Variants in SPSB4 observed in about 807,000 individuals in gnomAD.
SPSB4 encodes splA/ryanodine receptor domain and SOCS box containing 4.
A neutral mutation model predicts 20.9 loss-of-function variants in SPSB4; 21 were observed. The observed-to-expected ratio is 1.01, with a 90% CI of 0.71 to 1.45. The LOEUF is 1.45. Ranked by LOEUF, SPSB4 falls within the 40% of genes most tolerant of loss-of-function variation. SPSB4 has a pLI of 0.00. For missense variants in SPSB4, 399 were observed against 399.2 expected, an observed-to-expected ratio of 1.00 and a Z score of 0.00; for synonymous variants, 207 against 183.8, an observed-to-expected ratio of 1.13 and a Z score of -1.02.
intron 2 of SPSB4, among the ~76,000 whole-genome samples, chr3:141,146,026 A>T (rs532384443): frequency 6.6e-6 from 1 of 152,090 alleles, no homozygotes; most frequent in African/African-American, 2.4e-5. Flanking sequence ...CATATATTAC[A>T]CTCTATTAAA....
At chr3:141,093,976 C>T (rs1938505933) in intron 2 of SPSB4, among the ~76,000 whole-genome samples, 3 of 152,194 alleles carry the variant, frequency 2.0e-5, no homozygotes, top group Non-Finnish European at 4.4e-5. Flanking sequence ...CTAGCAGCAC[C>T]AGCCCCATGA....
intron 2 of SPSB4, among the ~76,000 whole-genome samples, chr3:141,081,330 C>T (rs1361946940): frequency 2.0e-5 from 3 of 152,322 alleles, no homozygotes; most frequent in African/African-American, 7.2e-5. Flanking sequence ...CAAAGTTCTA[C>T]TGGATGGGGC....
At position 141,143,294 on chromosome 3, in the gene SPSB4, T is replaced by C. The variant is rs1008270356; in HGVS notation, c.695-3848T>C. On this transcript the variant is annotated intron_variant, in intron 2 of 2. Transcript: ENST00000310546. Reference sequence around the variant, plus strand: ...TCTCTTGAAGACAGCAGATACTTGGTTGGTGGATTTTTATTCACCTTGATG... The same window carrying C: ...TCTCTTGAAGACAGCAGATACTTGGCTGGTGGATTTTTATTCACCTTGATG... Among the ~76,000 whole-genome samples, 8 of 152,362 alleles carry C rather than the reference T, an allele frequency of 5.3e-5. No individual in the cohort carries two copies. In the South Asian group the frequency reaches 1.7e-3, roughly 32 times the overall value.
At position 141,066,410 on chromosome 3, in the gene SPSB4, C is replaced by T; in HGVS notation, c.306C>T (p.Ile102=). 1 of 1,531,310 alleles carries T rather than the reference C, an allele frequency of 6.5e-7. No homozygotes were observed. Among genetic ancestry groups the T allele is most frequent in the Admixed American group, 2.0e-5 (1 of 49,006 alleles). The allele number at this position is 1,531,310 out of a possible 1,614,324, so 94.9% of individuals were successfully genotyped here. Residue 102 remains isoleucine (I), a synonymous_variant, in exon 2 of 3, where the codon ATC becomes ATT. Transcript: ENST00000310546. The part of the protein sequence containing the change: ...GHARGLHAWQ[I]NWPARQRGTH... ...CCCGCGGCCTGCACGCCTGGCAGAT[C>T]AACTGGCCGGCTCGGCAGCGCGGCA...
At chr3:141,130,985 A>G (rs1939121376) in intron 2 of SPSB4, among the ~76,000 whole-genome samples, 1 of 152,222 alleles carries the variant, frequency 6.6e-6, no homozygotes, top group African/African-American at 2.4e-5. Context: ...CATTGTTGTC[A>G]ATTAGGATGA....
chr3:141,146,276 T>G (rs1390332061), intron 2 of SPSB4, among the ~76,000 whole-genome samples: 2 of 152,146 alleles, frequency 1.3e-5, no homozygotes, highest in African/African-American at 4.8e-5. Context: ...CTTACAAATT[T>G]TTCCAGAACT....
chr3:141,117,938 A>C (rs535764206), intron 2 of SPSB4, among the ~76,000 whole-genome samples: 8 of 152,284 alleles, frequency 5.3e-5, no homozygotes, highest in Admixed American at 3.3e-4. Context: ...AGTCTTTGCT[A>C]TTGTGGATAG....
intron 2 of SPSB4, among the ~76,000 whole-genome samples, chr3:141,071,096 G>C (rs889586788): frequency 6.6e-6 from 1 of 152,216 alleles, no homozygotes; most frequent in Non-Finnish European, 1.5e-5. Context: ...TTGTATAAAG[G>C]CATCCCCAGC....
intron 2 of SPSB4, among the ~76,000 whole-genome samples, chr3:141,084,855 T>G (rs569039496): frequency 6.6e-6 from 1 of 152,366 alleles, no homozygotes; most frequent in East Asian, 1.9e-4. Flanking sequence ...ACATTTACTG[T>G]GCTTCATCTG....
At chr3:141,112,787 C>T (rs72983816) in intron 2 of SPSB4, among the ~76,000 whole-genome samples, 2,506 of 152,110 alleles carry the variant, frequency 0.016, 70 homozygotes, top group African/African-American at 0.057. Context: ...TCTCAGTCCT[C>T]GGAGTGGCCA....
intron 2 of SPSB4, among the ~76,000 whole-genome samples, chr3:141,104,348 C>T (rs73234867): frequency 6.6e-4 from 101 of 152,268 alleles, no homozygotes; most frequent in Non-Finnish European, 1.3e-3. Context: ...GTACATGAGA[C>T]TGGCAAGAGG....
Position 141,066,382 on chromosome 3 carries a change from A to G in SPSB4, c.278A>G (p.His93Arg), listed in dbSNP as rs1243470319. 4 of 1,546,752 alleles carry G rather than the reference A, an allele frequency of 2.6e-6. No homozygotes were observed. The Admixed American group carries it at 5.9e-5, about 23-fold the overall frequency. The change falls in exon 2 of 3, where the codon CAC becomes CGC. Residue 93 changes from histidine to arginine, a missense_variant. Coordinates refer to ENST00000310546, the MANE Select transcript of SPSB4 (RefSeq NM_080862.3). ...STDGIRGKVG[H>R]ARGLHAWQIN... ...GACGGCATCCGCGGCAAGGTGGGCC[A>G]CGCCCGCGGCCTGCACGCCTGGCAG...
chr3:141,086,176 G>A (rs1938334399), intron 2 of SPSB4, among the ~76,000 whole-genome samples: 1 of 152,200 alleles, frequency 6.6e-6, no homozygotes, highest in South Asian at 2.1e-4. Context: ...TTGTCTTTTG[G>A]TTTAATTTCA....
intron 2 of SPSB4, among the ~76,000 whole-genome samples, chr3:141,126,322 G>T (rs1272070451): frequency 1.3e-5 from 2 of 152,076 alleles, no homozygotes; most frequent in Admixed American, 6.5e-5. Flanking sequence ...AGCAGCCCAG[G>T]TCCCAGCCAG....
At chr3:141,144,240 ATAT>A (rs763924919) in intron 2 of SPSB4, among the ~76,000 whole-genome samples, 34 of 152,310 alleles carry the variant, frequency 2.2e-4, no homozygotes, top group Admixed American at 3.3e-4. Context: ...TGGCAGAGTC[ATAT>A]TATGGTATTA....
rs140523586 is a variant in SPSB4, at chr3:141,105,353, C to T, written c.694+38555C>T. Among the ~76,000 whole-genome samples the T allele has an allele frequency of 9.7e-3, 1,477 of 152,294 alleles. 28 individuals carry two copies. The highest frequency in any genetic ancestry group is 0.034 in the African/African-American group (1,418 of 41,562). ...TCCCACTGAGTTCCCACATCCCCTA[C>T]AAAGCCCCATTTCTTACTGCCCATG... is the stretch of plus-strand genomic sequence containing the variant. On this transcript the variant is annotated intron_variant, in intron 2 of 2. Transcript: ENST00000310546.
chr3:141,128,760 C>T (rs375290647), intron 2 of SPSB4, among the ~76,000 whole-genome samples: 1 of 151,932 alleles, frequency 6.6e-6, no homozygotes, highest in South Asian at 2.1e-4. Context: ...GGGGACAGAG[C>T]ATCATGGGGG....
In SPSB4 at chr3:141,147,422, A is replaced by G. The variant is rs1171495941; in HGVS notation, c.*153A>G. 5 of 1,338,422 alleles carry G rather than the reference A, an allele frequency of 3.7e-6. No individual in the cohort carries two copies. Among genetic ancestry groups the G allele is most frequent in the Non-Finnish European group, 4.0e-6 (4 of 989,758 alleles). The allele number at this position is 1,338,422 out of a possible 1,614,324, so 82.9% of individuals were successfully genotyped here. The stretch of plus-strand genomic sequence containing the variant: ...TTTCAAAGACCAGGATGTGGTACCA[A>G]CTTTGGAAACGAAAGGTCTCTTGCC... On this transcript the variant is annotated 3_prime_UTR_variant, in exon 3 of 3. Transcript: ENST00000310546.
intron 2 of SPSB4, 23 bp downstream of exon 2, chr3:141,066,821 G>A (rs760084495): frequency 3.3e-6 from 5 of 1,503,124 alleles, no homozygotes; most frequent in Middle Eastern, 1.8e-4. Context: ...GGGCTGGGGG[G>A]CAGGGCTTTC....
Sources: allele counts gnomAD v4.1 joint callset (sites outside exome capture counted in the v4.1 genomes callset), GRCh38; gene constraint gnomAD v4.1.1; transcripts MANE v1.5; gene names NCBI Gene and HGNC (gene_info 2026-07-23, HGNC 2026-07-21).